Variants in PI4KA observed in about 807,000 individuals in gnomAD.
PI4KA encodes the protein PI4-kinase alpha.
Under a neutral mutation model 271.4 loss-of-function variants are expected in PI4KA, and 122 were observed. That is an observed-to-expected ratio of 0.45 (90% CI 0.39 to 0.52). The LOEUF is 0.52. Among genes scored for constraint, PI4KA ranks in the 20% least tolerant of loss-of-function variants. The pLI is 0.00. For synonymous variants in PI4KA, 1,041 were observed against 1,078.8 expected, an observed-to-expected ratio of 0.96 and a Z score of 0.69; for missense variants, 1,969 against 2,769.1, an observed-to-expected ratio of 0.71 and a Z score of 6.48.
At chr22:20,803,103 C>T in intron 13 of PI4KA, 88 bp downstream of exon 13, 2 of 1,375,006 alleles carry the variant, frequency 1.5e-6, no homozygotes, top group Non-Finnish European at 2.1e-6. Context: ...GGAATGCACC[C>T]AGGTACAGTC....
At chr22:20,855,926 G>A (rs1927531567) in intron 1 of PI4KA, among the ~76,000 whole-genome samples, 6 of 152,204 alleles carry the variant, frequency 3.9e-5, no homozygotes, top group Non-Finnish European at 1.5e-5. Flanking sequence ...GGCCAACTTT[G>A]TAAGCAGGCT....
chr22:20,788,861 CT>C (rs1934445285), intron 19 of PI4KA, among the ~76,000 whole-genome samples: 1 of 152,192 alleles, frequency 6.6e-6, no homozygotes, highest in Admixed American at 6.5e-5. Context: ...CTGCAGCTTC[CT>C]TTTGGCTCTT....
Position 20,858,730 on chromosome 22 carries a change from T to G in PI4KA, c.-5A>C. 1 of 1,395,642 alleles carries G rather than the reference T, an allele frequency of 7.2e-7. No individual in the cohort carries two copies. 86.5% of individuals were successfully genotyped at this position (1,395,642 alleles called of 1,614,324 possible). On this transcript the variant is annotated 5_prime_UTR_variant, in exon 1 of 55. Coordinates refer to ENST00000255882, the MANE Select transcript of PI4KA (RefSeq NM_058004.4). ...CCGGGCCGGGGCCGCCGCCATCACC[T>G]CACGAGCCGCGGCGCTGCCCGCCGG...
chr22:20,794,724 C>T (rs1934875294), intron 18 of PI4KA, among the ~76,000 whole-genome samples: 1 of 152,178 alleles, frequency 6.6e-6, no homozygotes, highest in South Asian at 2.1e-4. Context: ...CCACTCAGCG[C>T]CACAGGCAGA....
chr22:20,798,219 G>A (rs1289783559), intron 17 of PI4KA, among the ~76,000 whole-genome samples: 1 of 152,178 alleles, frequency 6.6e-6, no homozygotes, highest in Non-Finnish European at 1.5e-5. Flanking sequence ...CTAGAGACTG[G>A]CTGGTTAAAT....
chr22:20,730,684 T>C (rs1421431106), intron 36 of PI4KA, among the ~76,000 whole-genome samples: 1 of 151,984 alleles, frequency 6.6e-6, no homozygotes, highest in Non-Finnish European at 1.5e-5. Flanking sequence ...AATTCTCCTG[T>C]CTCAGCCTCC....
chr22:20,798,612 T>C lies in PI4KA; in HGVS notation c.2080A>G (p.Thr694Ala). ...TAGCCGTGGTCCTTGTAATCTTTGG[T>C]GGCTGAGTATACAACGGAGCTGGCC... is the stretch of plus-strand genomic sequence containing the variant. ...VKASSVVYSA[T>A]KDYKDHGYRH... The change falls in exon 17 of 55, where the codon ACC (threonine) becomes GCC (alanine). Residue 694 changes from threonine (T) to alanine (A), a missense_variant. Thr to Ala is a moderately conservative substitution (Grantham distance 58, BLOSUM62 0). This residue lies in a region of PI4KA where 368 missense variants were observed against 544.3 expected (regional missense o/e 0.68). Transcript: ENST00000255882. 1.2e-6 allele frequency: 2 copies of C among 1,612,770 alleles called. No homozygotes were observed. The highest frequency in any genetic ancestry group is 2.2e-5 in the East Asian group (1 of 44,880).
chr22:20,821,618 G>C (rs2147703442), intron 4 of PI4KA, among the ~76,000 whole-genome samples: 1 of 150,316 alleles, frequency 6.7e-6, no homozygotes, highest in Non-Finnish European at 1.5e-5. Flanking sequence ...TTGAGGCGCG[G>C]TTTCACTCTT....
intron 19 of PI4KA, chr22:20,787,179 T>A: frequency 1.0e-6 from 1 of 975,962 alleles, no homozygotes; most frequent in Non-Finnish European, 1.6e-6. Context: ...GCTACCAATC[T>A]GAATTCGAGG....
chr22:20,769,771 C>G (rs761573827), intron 19 of PI4KA, among the ~76,000 whole-genome samples: 1 of 151,834 alleles, frequency 6.6e-6, no homozygotes, highest in Non-Finnish European at 1.5e-5. Context: ...GAAACCCTGA[C>G]CAGATAAAAA....
intron 14 of PI4KA, among the ~76,000 whole-genome samples, chr22:20,801,760 T>C (rs1234671351): frequency 2.7e-5 from 4 of 150,408 alleles, no homozygotes; most frequent in Non-Finnish European, 5.9e-5. Context: ...GGTGGGCGCC[T>C]GTAATCCCAG....
At chr22:20,714,785 C>T (rs2276011) in intron 45 of PI4KA, 85 bp from the exon 46 acceptor site, 14 of 1,476,780 alleles carry the variant, frequency 9.5e-6, no homozygotes, top group East Asian at 7.3e-5. Flanking sequence ...ATGTTACATG[C>T]GTGTCCACCC....
intron 42 of PI4KA, among the ~76,000 whole-genome samples, chr22:20,724,483 C>G (rs1927115742): frequency 6.6e-6 from 1 of 151,740 alleles, no homozygotes; most frequent in Non-Finnish European, 1.5e-5. Flanking sequence ...TGGCATGCAC[C>G]TTCAATCCCA....
At chr22:20,742,511 C>T (rs1238066091) in intron 31 of PI4KA, 97 bp downstream of exon 31, 1 of 1,554,550 alleles carries the variant, frequency 6.4e-7, no homozygotes, top group Admixed American at 1.7e-5. Context: ...GGAGCTCCTG[C>T]TCTTTCTCCG....
In PI4KA at chr22:20,831,334, A is replaced by G. The variant is rs527380408; in HGVS notation, c.367+3228T>C. 5.1e-4 allele frequency among the ~76,000 whole-genome samples: 77 copies of G among 152,258 alleles called. 1 individual carries two copies. In the South Asian group the frequency reaches 0.016, roughly 31 times the overall value. On this transcript the variant is annotated intron_variant, in intron 3 of 54. Coordinates refer to ENST00000255882, the MANE Select transcript of PI4KA (RefSeq NM_058004.4). ...CAATCCCAGCACCTTTGTGAGGCTG[A>G]GGAGTGGGGGTCACTTGAGGCCAGG...
In PI4KA at chr22:20,707,801, A is replaced by C; in HGVS notation, c.*246T>G. On this transcript the variant is annotated 3_prime_UTR_variant, in exon 55 of 55. Transcript: ENST00000255882. ...CTATGAAATAAGACAGGTAGGGAAT[A>C]TGTCCAGTGCAAACAGAGGACTCAC... 1.7e-6 allele frequency: 1 copy of C among 590,578 alleles called. No homozygotes were observed. Among genetic ancestry groups the C allele is most frequent in the Non-Finnish European group, 3.1e-6 (1 of 324,318 alleles). 36.6% of individuals were successfully genotyped at this position (590,578 alleles called of 1,614,324 possible).
intron 1 of PI4KA, among the ~76,000 whole-genome samples, chr22:20,845,729 G>A (rs1429298913): frequency 6.6e-6 from 1 of 152,206 alleles, no homozygotes; most frequent in Non-Finnish European, 1.5e-5. Flanking sequence ...GCTGAGCGCG[G>A]TGGGAAGTGC....
intron 19 of PI4KA, among the ~76,000 whole-genome samples, chr22:20,789,009 T>C (rs547385485): frequency 2.6e-5 from 4 of 152,214 alleles, no homozygotes; most frequent in Non-Finnish European, 5.9e-5. Context: ...CTCCACACTC[T>C]TGAGCATCCA....
intron 5 of PI4KA, among the ~76,000 whole-genome samples, chr22:20,820,317 G>T (rs1322620401): frequency 6.6e-6 from 1 of 152,132 alleles, no homozygotes; most frequent in Non-Finnish European, 1.5e-5. Flanking sequence ...GCCCAGAAGG[G>T]TGAAGTTACT....
Sources: allele counts gnomAD v4.1 joint callset (sites outside exome capture counted in the v4.1 genomes callset), GRCh38; gene constraint gnomAD v4.1.1; regional missense constraint gnomAD v4.1.1; transcripts MANE v1.5; gene names NCBI Gene and HGNC (gene_info 2026-07-23, HGNC 2026-07-21).